Variants in CHD9 observed in about 807,000 individuals in gnomAD.
CHD9 encodes ATP-dependent chromatin remodeler CHD9.
In CHD9, 77 loss-of-function variants were observed where a neutral mutation model predicts 316.1. The ratio of observed to expected loss-of-function variants is 0.24; its 90% confidence interval spans 0.20 to 0.29. The LOEUF is 0.29. Ranked by LOEUF, CHD9 falls within the 10% of genes least tolerant of loss-of-function variation. The pLI, the probability that CHD9 is intolerant of heterozygous loss-of-function variation, is 1.00. For missense variants in CHD9, 2,763 were observed against 3,438.1 expected (o/e 0.80, Z 4.91); for synonymous variants, 1,129 against 1,158.3 (o/e 0.97, Z 0.51).
At chr16:53,171,079 T>A (rs2042679603) in intron 2 of CHD9, among the ~76,000 whole-genome samples, 1 of 152,150 alleles carries the variant, frequency 6.6e-6, no homozygotes, top group Admixed American at 6.6e-5. Flanking sequence ...CTTTTGTGTT[T>A]CTCCTTTTAG....
chr16:53,106,456 G>A lies in CHD9; in HGVS notation c.-164-49470G>A, dbSNP rs111519869. 6.4e-3 allele frequency among the ~76,000 whole-genome samples: 969 copies of A among 152,298 alleles called. 9 individuals are homozygous for A. The highest frequency in any genetic ancestry group is 0.022 in the African/African-American group (911 of 41,562). ...AAAAAATGACTAATGGATATTTCCC[G>A]AAGGACAGCTGGAAGGCAGTGCTTA... On this transcript the variant is annotated intron_variant, in intron 1 of 38. Coordinates refer to ENST00000447540, the MANE Select transcript of CHD9 (RefSeq NM_001308319.2).
At chr16:53,127,518 T>G (rs2039021336) in intron 1 of CHD9, among the ~76,000 whole-genome samples, 1 of 152,168 alleles carries the variant, frequency 6.6e-6, no homozygotes, top group South Asian at 2.1e-4. Context: ...TGGTTACAAG[T>G]TATAGCCTTT....
intron 2 of CHD9, among the ~76,000 whole-genome samples, chr16:53,186,290 G>A (rs1424473026): frequency 6.6e-6 from 1 of 152,168 alleles, no homozygotes; most frequent in African/African-American, 2.4e-5. Flanking sequence ...AGATCATTTT[G>A]GAACTTTAAG....
chr16:53,111,772 GGTT>G (rs2037883377), intron 1 of CHD9, among the ~76,000 whole-genome samples: 2 of 152,074 alleles, frequency 1.3e-5, no homozygotes, highest in Admixed American at 6.5e-5. Flanking sequence ...ACGTTCATAT[GGTT>G]TGATACCACA....
intron 1 of CHD9, among the ~76,000 whole-genome samples, chr16:53,133,686 T>G (rs2039502563): frequency 6.6e-6 from 1 of 152,140 alleles, no homozygotes; most frequent in South Asian, 2.1e-4. Context: ...TGGGCAGATA[T>G]GAATACAGAT....
chr16:53,094,930 C>G (rs751830113), intron 1 of CHD9, among the ~76,000 whole-genome samples: 3 of 152,150 alleles, frequency 2.0e-5, no homozygotes, highest in Non-Finnish European at 4.4e-5. Flanking sequence ...TGAGCCACCG[C>G]GCCCGGCCTT....
At chr16:53,321,470 A>G (rs1441288581) in intron 37 of CHD9, 56 bp from the exon 38 acceptor site, 1 of 1,465,546 alleles carries the variant, frequency 6.8e-7, no homozygotes, top group Non-Finnish European at 9.1e-7. Context: ...AATAAAAGCA[A>G]TCAAGAGTTT....
intron 1 of CHD9, among the ~76,000 whole-genome samples, chr16:53,111,286 C>G (rs1005328122): frequency 6.6e-6 from 1 of 152,072 alleles, no homozygotes; most frequent in African/African-American, 2.4e-5. Flanking sequence ...TGGGGAGGGT[C>G]GGGGAATCCC....
intron 12 of CHD9, among the ~76,000 whole-genome samples, chr16:53,239,227 C>T (rs1203428194): frequency 6.6e-6 from 1 of 151,964 alleles, no homozygotes; most frequent in Non-Finnish European, 1.5e-5. Flanking sequence ...CCTATCCCTT[C>T]TAAATACATA....
chr16:53,164,679 A>G (rs1371340811), intron 2 of CHD9, among the ~76,000 whole-genome samples: 1 of 151,106 alleles, frequency 6.6e-6, no homozygotes, highest in African/African-American at 2.4e-5. Context: ...TTTGAGACAG[A>G]GTCTTGCTCT....
chr16:53,213,028 T>C (rs73597667), intron 3 of CHD9, among the ~76,000 whole-genome samples: 5,729 of 152,250 alleles, frequency 0.038, 373 homozygotes, highest in African/African-American at 0.13. Context: ...CCCACACTCA[T>C]TCAGCTACCT....
intron 1 of CHD9, among the ~76,000 whole-genome samples, chr16:53,097,842 T>C (rs2036510515): frequency 6.6e-6 from 1 of 152,236 alleles, no homozygotes; most frequent in Admixed American, 6.5e-5. Context: ...GGAACCAGGC[T>C]GGGTGCGGTG....
At chr16:53,183,084 A>T (rs1429743090) in intron 2 of CHD9, among the ~76,000 whole-genome samples, 1 of 152,242 alleles carries the variant, frequency 6.6e-6, no homozygotes, top group Admixed American at 6.5e-5. Context: ...ATTTAAAAAT[A>T]TCAGCTTCTA....
At chr16:53,296,861 A>C (rs2054856641) in intron 29 of CHD9, 95 bp from the exon 30 acceptor site, 2 of 802,632 alleles carry the variant, frequency 2.5e-6, no homozygotes, top group African/African-American at 3.5e-5. Context: ...TAGGTACTTG[A>C]AATGTTTTAA....
At chr16:53,259,576 A>G (rs543893939) in intron 19 of CHD9, among the ~76,000 whole-genome samples, 29 of 152,246 alleles carry the variant, frequency 1.9e-4, no homozygotes, top group African/African-American at 5.8e-4. Flanking sequence ...CAGTGGTGCA[A>G]TCAACGATTC....
intron 22 of CHD9, 73 bp from the exon 23 acceptor site, chr16:53,273,553 G>A: frequency 8.8e-7 from 1 of 1,139,202 alleles, no homozygotes; most frequent in Non-Finnish European, 1.2e-6. Flanking sequence ...GAAATTTCTT[G>A]CATTGAAACA....
At chr16:53,226,175 G>C (rs927395111) in intron 4 of CHD9, among the ~76,000 whole-genome samples, 191 bp from the exon 5 acceptor site, 1 of 151,994 alleles carries the variant, frequency 6.6e-6, no homozygotes, top group African/African-American at 2.4e-5. Context: ...AGAACTGTAG[G>C]AAGATTGTAA....
intron 24 of CHD9, among the ~76,000 whole-genome samples, chr16:53,281,241 C>A (rs1345562064): frequency 1.3e-5 from 2 of 152,150 alleles, no homozygotes; most frequent in Non-Finnish European, 2.9e-5. Flanking sequence ...TCTTACTTTC[C>A]CTGGCTTTTC....
At chr16:53,258,950 G>T (rs2152985145) in intron 19 of CHD9, among the ~76,000 whole-genome samples, 1 of 152,216 alleles carries the variant, frequency 6.6e-6, no homozygotes, top group African/African-American at 2.4e-5. Context: ...TATTTGTAAG[G>T]GCCTTTAGTT....
Sources: gnomAD v4.1 joint callset for allele counts (sites outside exome capture counted in the v4.1 genomes callset) on GRCh38, gnomAD v4.1.1 for gene constraint, MANE v1.5 for transcripts, NCBI Gene and HGNC (gene_info 2026-07-23, HGNC 2026-07-21) for gene names.